Variants in UGGT2 observed in about 807,000 individuals in gnomAD.
UGGT2 encodes UDP-glucose glycoprotein glucosyltransferase 2.
In UGGT2, 180 loss-of-function variants were observed where a neutral mutation model predicts 192.1. That is an observed-to-expected ratio of 0.94 (90% CI 0.83 to 1.06). UGGT2 has a LOEUF of 1.06. Ranked by LOEUF, UGGT2 falls within the 50% of genes least tolerant of loss-of-function variation. UGGT2 has a pLI of 0.00. For synonymous variants in UGGT2, 580 were observed against 591.0 expected (o/e 0.98, Z 0.27); for missense variants, 1,849 against 1,795.7 (o/e 1.03, Z -0.54).
At chr13:95,839,320 T>C (rs529661708) in intron 36 of UGGT2, among the ~76,000 whole-genome samples, 1 of 152,184 alleles carries the variant, frequency 6.6e-6, no homozygotes, top group Non-Finnish European at 1.5e-5. Context: ...CTAACCTCCA[T>C]GTACCTAATA....
chr13:95,941,086 T>C (rs2049664068), intron 15 of UGGT2, among the ~76,000 whole-genome samples: 1 of 152,210 alleles, frequency 6.6e-6, no homozygotes, highest in Non-Finnish European at 1.5e-5. Context: ...ATGGCATCTC[T>C]TGAGTAGACG....
chr13:95,931,563 G>T (rs1186067878), intron 17 of UGGT2, among the ~76,000 whole-genome samples: 1 of 151,948 alleles, frequency 6.6e-6, no homozygotes, highest in Non-Finnish European at 1.5e-5. Flanking sequence ...GGTGGGGGTG[G>T]GGGGGAGGCT....
intron 38 of UGGT2, among the ~76,000 whole-genome samples, chr13:95,804,889 T>C (rs1566529477): frequency 1.3e-5 from 2 of 152,186 alleles, no homozygotes; most frequent in Non-Finnish European, 2.9e-5. Context: ...GGCAATGACT[T>C]CTTACATATG....
chr13:96,023,781 A>C (rs1290746624), intron 2 of UGGT2, 22 bp from the exon 3 acceptor site: 1 of 1,567,814 alleles, frequency 6.4e-7, no homozygotes, highest in African/African-American at 1.4e-5. Context: ...AGTCAAAAGA[A>C]AATAAATGTT....
chr13:95,990,467 G>A (rs558661767), intron 7 of UGGT2: 81 of 152,386 alleles, frequency 5.3e-4, no homozygotes, highest in Non-Finnish European at 8.2e-4. Flanking sequence ...CATACAATCA[G>A]AGTTTATTTC....
At chr13:96,023,019 T>C in intron 4 of UGGT2, 21 bp downstream of exon 4, 1 of 1,548,056 alleles carries the variant, frequency 6.5e-7, no homozygotes, top group Non-Finnish European at 8.7e-7. Flanking sequence ...CTTCTTTCAT[T>C]ATAGGCTATT....
chr13:96,043,339 T>C (rs982610334), intron 1 of UGGT2, among the ~76,000 whole-genome samples: 1 of 151,970 alleles, frequency 6.6e-6, no homozygotes, highest in African/African-American at 2.4e-5. Context: ...CCACTACCAA[T>C]CCAGCACCAC....
intron 17 of UGGT2, among the ~76,000 whole-genome samples, chr13:95,930,926 G>C (rs914459212): frequency 6.6e-6 from 1 of 152,180 alleles, no homozygotes; most frequent in Non-Finnish European, 1.5e-5. Context: ...CGGACCCAAA[G>C]ACTGAGCAGC....
At chr13:95,917,512 C>T (rs1320866432) in intron 20 of UGGT2, among the ~76,000 whole-genome samples, 1 of 152,080 alleles carries the variant, frequency 6.6e-6, no homozygotes, top group Non-Finnish European at 1.5e-5. Context: ...AACATGTCTG[C>T]AAAATAACCA....
chr13:95,929,683 A>G (rs1245307935), intron 17 of UGGT2, among the ~76,000 whole-genome samples: 1 of 152,098 alleles, frequency 6.6e-6, no homozygotes, highest in African/African-American at 2.4e-5. Flanking sequence ...TCTTTAACCA[A>G]TCCACCACTG....
intron 12 of UGGT2, among the ~76,000 whole-genome samples, chr13:95,958,714 G>A (rs527240231): frequency 8.6e-5 from 13 of 151,726 alleles, no homozygotes; most frequent in Admixed American, 5.3e-4. Context: ...CGAATAGGTC[G>A]TCTAAGGGAG....
chr13:95,945,229 C>T (rs1174318241), intron 15 of UGGT2, among the ~76,000 whole-genome samples: 1 of 151,994 alleles, frequency 6.6e-6, no homozygotes, highest in Non-Finnish European at 1.5e-5. Flanking sequence ...ATATTCTTCT[C>T]TCTTTATAGT....
intron 38 of UGGT2, among the ~76,000 whole-genome samples, chr13:95,804,373 A>G (rs1373129123): frequency 1.3e-5 from 2 of 152,196 alleles, no homozygotes; most frequent in Admixed American, 6.5e-5. Flanking sequence ...TAAGATGTCT[A>G]TACTACCCAA....
At chr13:95,981,534 C>T (rs2051125503) in intron 10 of UGGT2, among the ~76,000 whole-genome samples, 2 of 152,062 alleles carry the variant, frequency 1.3e-5, no homozygotes, top group Non-Finnish European at 2.9e-5. Context: ...GAAAATCCTT[C>T]AAATTTCTTA....
intron 38 of UGGT2, among the ~76,000 whole-genome samples, chr13:95,831,870 C>T (rs532431546): frequency 9.4e-4 from 142 of 151,614 alleles, no homozygotes; most frequent in African/African-American, 3.2e-3. Context: ...TCTCTCCCTC[C>T]TCCCTTTGTC....
intron 12 of UGGT2, among the ~76,000 whole-genome samples, chr13:95,955,418 G>A (rs2050184556): frequency 6.6e-6 from 1 of 152,176 alleles, no homozygotes; most frequent in African/African-American, 2.4e-5. Flanking sequence ...GCAAGCTTAA[G>A]AATCTAGATA....
intron 10 of UGGT2, among the ~76,000 whole-genome samples, chr13:95,972,967 T>A (rs1238650771): frequency 1.3e-5 from 2 of 152,186 alleles, no homozygotes; most frequent in Admixed American, 6.5e-5. Context: ...GGTCAGGAGT[T>A]CAAGACCACC....
intron 36 of UGGT2, among the ~76,000 whole-genome samples, chr13:95,840,562 C>G (rs1887757315): frequency 6.6e-6 from 1 of 152,012 alleles, no homozygotes. Flanking sequence ...CAGATGCTGG[C>G]AAGGATGTGG....
chr13:95,995,253 C>T (rs1212275520), intron 7 of UGGT2: 1 of 151,782 alleles, frequency 6.6e-6, no homozygotes, highest in African/African-American at 2.4e-5. Context: ...AATTCCAAGG[C>T]CAATAAACAT....
Sources: gnomAD v4.1 joint callset for allele counts (sites outside exome capture counted in the v4.1 genomes callset) on GRCh38, gnomAD v4.1.1 for gene constraint, MANE v1.5 for transcripts, NCBI Gene and HGNC (gene_info 2026-07-23, HGNC 2026-07-21) for gene names.